The following ENTHD1 variants were observed in gnomAD, a reference collection of about 807,000 sequenced individuals.
ENTHD1 encodes the protein ENTH domain containing 1.
Under a neutral mutation model 39.1 loss-of-function variants are expected in ENTHD1, and 23 were observed. That is an observed-to-expected ratio of 0.59 (90% CI 0.42 to 0.83). The LOEUF (loss-of-function observed/expected upper bound fraction) is 0.83, where lower values mean the gene tolerates loss of function less well. Among genes scored for constraint, ENTHD1 ranks in the 40% least tolerant of loss-of-function variants. ENTHD1 has a pLI of 0.00. For synonymous variants in ENTHD1, 230 were observed against 258.2 expected (o/e 0.89, Z 1.05); for missense variants, 624 against 705.4 (o/e 0.88, Z 1.31).
intron 5 of ENTHD1, among the ~76,000 whole-genome samples, chr22:39,803,775 T>C (rs867564270): frequency 1.3e-5 from 2 of 152,210 alleles, no homozygotes; most frequent in Non-Finnish European, 2.9e-5. Flanking sequence ...AATCAATAAA[T>C]ATAATAGCAA....
intron 5 of ENTHD1, among the ~76,000 whole-genome samples, chr22:39,773,091 C>T (rs979389949): frequency 3.9e-5 from 5 of 127,244 alleles, no homozygotes; most frequent in Non-Finnish European, 7.8e-5. Flanking sequence ...TGAGAACAGC[C>T]TGGGCAACAT....
intron 5 of ENTHD1, among the ~76,000 whole-genome samples, chr22:39,773,682 T>C (rs561550333): frequency 5.3e-5 from 8 of 152,354 alleles, no homozygotes; most frequent in Non-Finnish European, 1.2e-4. Flanking sequence ...AAATTATTGC[T>C]GTATCATTCA....
At chr22:39,787,826 C>T (rs1209221203) in intron 5 of ENTHD1, among the ~76,000 whole-genome samples, 1 of 152,164 alleles carries the variant, frequency 6.6e-6, no homozygotes, top group Non-Finnish European at 1.5e-5. Flanking sequence ...AGCAAGGTAT[C>T]CAGAAGATTA....
chr22:39,847,334 C>T (rs2036896056), intron 3 of ENTHD1, among the ~76,000 whole-genome samples: 1 of 125,824 alleles, frequency 7.9e-6, no homozygotes, highest in African/African-American at 3.1e-5. Context: ...AACACATGGA[C>T]ACAGGAAGGG....
intron 5 of ENTHD1, among the ~76,000 whole-genome samples, chr22:39,820,336 A>G (rs1320773979): frequency 6.6e-6 from 1 of 152,214 alleles, no homozygotes; most frequent in Non-Finnish European, 1.5e-5. Context: ...AAAGATTTAT[A>G]AGGTGATGAA....
chr22:39,832,444 A>G lies in ENTHD1; in HGVS notation c.711+3396T>C, dbSNP rs940923792. 7.9e-5 allele frequency among the ~76,000 whole-genome samples: 12 copies of G among 152,356 alleles called. No homozygotes were observed. The South Asian group carries it at 2.5e-3, about 32-fold the overall frequency. ...GAGATATGAAACAAAAAAAAGTTTT[A>G]AAAAGCTGCTGAAAGCCATTAAAAA... On this transcript the variant is annotated intron_variant, in intron 4 of 6. Transcript: ENST00000325157.
chr22:39,752,336 A>G (rs2065154003), intron 6 of ENTHD1, among the ~76,000 whole-genome samples: 1 of 152,220 alleles, frequency 6.6e-6, no homozygotes, highest in Admixed American at 6.5e-5. Context: ...GATTCCATTT[A>G]TATGAAATGT....
At position 39,773,534 on chromosome 22, in the gene ENTHD1, G is replaced by T. The variant is rs147157580; in HGVS notation, c.833-7925C>A. Among the ~76,000 whole-genome samples, 50 of 152,108 alleles carry T rather than the reference G, an allele frequency of 3.3e-4. 1 individual carries two copies. Among genetic ancestry groups the T allele is most frequent in the African/African-American group, 1.1e-3 (47 of 41,496 alleles). ...AGAAAACATACTTCAAATACCCATG[G>T]GTCAAAAAAGAAATTTATACATTTT... On this transcript the variant is annotated intron_variant, in intron 5 of 6. Transcript: ENST00000325157.
intron 5 of ENTHD1, among the ~76,000 whole-genome samples, chr22:39,808,136 G>A (rs988037063): frequency 2.0e-5 from 3 of 152,178 alleles, no homozygotes; most frequent in Non-Finnish European, 2.9e-5. Context: ...AAATGAGCTC[G>A]ACCATTTAAA....
At chr22:39,881,223 T>C (rs2066335337) in intron 2 of ENTHD1, among the ~76,000 whole-genome samples, 1 of 152,234 alleles carries the variant, frequency 6.6e-6, no homozygotes, top group South Asian at 2.1e-4. Flanking sequence ...GCCTAGACAC[T>C]GTTTCCTGTG....
At chr22:39,871,346 A>G (rs2066242575) in intron 2 of ENTHD1, among the ~76,000 whole-genome samples, 1 of 152,196 alleles carries the variant, frequency 6.6e-6, no homozygotes, top group African/African-American at 2.4e-5. Context: ...TCGACAGGTA[A>G]CTTACTATGT....
chr22:39,891,945 C>G (rs1046360532), intron 1 of ENTHD1, among the ~76,000 whole-genome samples: 1 of 151,768 alleles, frequency 6.6e-6, no homozygotes, highest in African/African-American at 2.4e-5. Flanking sequence ...TTTTTAGACA[C>G]GAGTTCTTAT....
chr22:39,755,084 A>G (rs2065174628), intron 6 of ENTHD1, among the ~76,000 whole-genome samples: 2 of 152,196 alleles, frequency 1.3e-5, no homozygotes, highest in African/African-American at 4.8e-5. Flanking sequence ...GCTGCTGGGG[A>G]TGCAATAAGA....
intron 5 of ENTHD1, among the ~76,000 whole-genome samples, chr22:39,770,086 T>C (rs2065310017): frequency 6.6e-6 from 1 of 152,104 alleles, no homozygotes; most frequent in Non-Finnish European, 1.5e-5. Context: ...TAAATATGTG[T>C]AGAATGTGTA....
intron 4 of ENTHD1, among the ~76,000 whole-genome samples, chr22:39,833,287 T>C (rs947530680): frequency 7.2e-5 from 11 of 152,124 alleles, no homozygotes; most frequent in African/African-American, 1.9e-4. Flanking sequence ...GATTAAGCTC[T>C]AGCCTTTAGC....
intron 3 of ENTHD1, among the ~76,000 whole-genome samples, chr22:39,842,168 C>T (rs1181617354): frequency 6.6e-6 from 1 of 150,748 alleles, no homozygotes; most frequent in Admixed American, 6.6e-5. Context: ...CTGCCCTTAA[C>T]ATTTTTTCCT....
chr22:39,760,747 C>T (rs1162417344), intron 6 of ENTHD1, among the ~76,000 whole-genome samples: 1 of 152,002 alleles, frequency 6.6e-6, no homozygotes, highest in Non-Finnish European at 1.5e-5. Flanking sequence ...ATTAATTCCT[C>T]AGTAGGACTT....
intron 6 of ENTHD1, among the ~76,000 whole-genome samples, chr22:39,755,440 A>G (rs2065177881): frequency 6.6e-6 from 1 of 152,188 alleles, no homozygotes; most frequent in Admixed American, 6.5e-5. Context: ...GGCAGAAGCT[A>G]GGCTTCCCAG....
intron 5 of ENTHD1, among the ~76,000 whole-genome samples, chr22:39,818,398 C>G (rs1271987710): frequency 6.6e-6 from 1 of 152,046 alleles, no homozygotes; most frequent in African/African-American, 2.4e-5. Context: ...AATCCTTGAG[C>G]AGAAAAAATG....
Sources: gnomAD v4.1 joint callset for allele counts (sites outside exome capture counted in the v4.1 genomes callset) on GRCh38, gnomAD v4.1.1 for gene constraint, MANE v1.5 for transcripts, NCBI Gene and HGNC (gene_info 2026-07-23, HGNC 2026-07-21) for gene names.